DENND4B: variants seen among roughly 807,000 people sequenced by gnomAD.
DENND4B encodes the protein DENN domain containing 4B, also known as DENN domain-containing protein 4B.
Under a neutral mutation model 161.0 loss-of-function variants are expected in DENND4B, and 67 were observed. The ratio of observed to expected loss-of-function variants is 0.42; its 90% CI spans 0.34 to 0.51. DENND4B has a LOEUF of 0.51. Among genes scored for constraint, DENND4B ranks in the 20% least tolerant of loss-of-function variants. The probability of loss-of-function intolerance (pLI) is 0.08; values close to 1 mark genes in which losing one functional copy is unlikely to be tolerated. For missense variants in DENND4B, 1,481 were observed against 1,968.0 expected, an observed-to-expected ratio of 0.75 and a Z score of 4.68; for synonymous variants, 753 against 813.8, an observed-to-expected ratio of 0.93 and a Z score of 1.27.
rs1360376405 is a variant in DENND4B, at chr1:153,942,397, G to A, written c.641-41C>T. On this transcript the variant is annotated intron_variant, in intron 4 of 27. Coordinates refer to ENST00000361217, the MANE Select transcript of DENND4B (RefSeq NM_014856.3). The surrounding 1 kb of genome is among the most constrained non-coding windows in gnomAD (Gnocchi z 6.9). ...AGTTGGGGGTACCCAAAAGGAGCAG[G>A]GTCCATCAGACTCCAAGGGAAATGA... is the stretch of plus-strand genomic sequence containing the variant. The A allele has an allele frequency of 1.9e-6, 3 of 1,599,302 alleles. No individual in the cohort carries two copies. The highest frequency in any genetic ancestry group is 2.2e-5 in the East Asian group (1 of 44,472).
intron 6 of DENND4B, 32 bp downstream of exon 6, chr1:153,941,837 C>A (rs1679688600): frequency 3.7e-6 from 6 of 1,609,068 alleles, no homozygotes; most frequent in Non-Finnish European, 5.1e-6. Flanking sequence ...CCCTTCCTAA[C>A]CCCTTCCCAA....
chr1:153,941,774 A>AGGGC, intron 6 of DENND4B, 95 bp downstream of exon 6: 2 of 618,130 alleles, frequency 3.2e-6, no homozygotes, highest in Non-Finnish European at 5.6e-6. Flanking sequence ...CCCTGTGCCC[A>AGGGC]GCCCTCCCCC....
In DENND4B at chr1:153,933,526, C is replaced by T. The variant is rs775433322; in HGVS notation, c.3287G>A (p.Ser1096Asn). 3 of 1,551,840 alleles carry T rather than the reference C, an allele frequency of 1.9e-6. No individual in the cohort carries two copies. The highest frequency in any genetic ancestry group is 1.7e-6 in the Non-Finnish European group (2 of 1,149,770). The change falls in exon 20 of 28, where the codon AGT becomes AAT. Residue 1096 changes from serine to asparagine, a missense_variant. Transcript: ENST00000361217. The surrounding 1 kb of genome is among the most constrained non-coding windows in gnomAD (Gnocchi z 5.7). Reference sequence around the variant, plus strand: ...AGGGCGCTCCCGGGGGTGCAGAAGACTGTCCATGGGGCTGCGGCGGGCTGG... The same window carrying T: ...AGGGCGCTCCCGGGGGTGCAGAAGATTGTCCATGGGGCTGCGGCGGGCTGG... Reference protein sequence around the residue: ...PPPARRSPMDSLLHPRERPGS... With the variant: ...PPPARRSPMDNLLHPRERPGS...
At position 153,944,463 on chromosome 1, in the gene DENND4B, C is replaced by T; in HGVS notation, c.-23-66G>A. 1 of 1,427,282 alleles carries T rather than the reference C, an allele frequency of 7.0e-7. No individual in the cohort carries two copies. 88.4% of individuals were successfully genotyped at this position (1,427,282 alleles called of 1,614,324 possible). A position where few individuals can be genotyped will look rare whatever the true frequency, so the allele number is the denominator to read the frequency against. On this transcript the variant is annotated intron_variant, in intron 1 of 27. Coordinates refer to ENST00000361217, the MANE Select transcript of DENND4B (RefSeq NM_014856.3). This position sits in a 1 kb window ranked among gnomAD's most constrained non-coding sequence, Gnocchi z 4.8. ...TGGGGATGCCATGGCAACCAGGGTA[C>T]CCTCTTGCTCCCCTCCTCTTCCTAG...
chr1:153,945,459 G>A (rs1177441287), intron 1 of DENND4B, among the ~76,000 whole-genome samples: 1 of 152,098 alleles, frequency 6.6e-6, no homozygotes, highest in Non-Finnish European at 1.5e-5. Flanking sequence ...GTTCCAGGAT[G>A]TGCAGTCCTG....
In DENND4B at chr1:153,932,381, A is replaced by C. The variant is rs775050835; in HGVS notation, c.3819T>G (p.Arg1273=). 6.2e-7 allele frequency: 1 copy of C among 1,613,730 alleles called. No individual in the cohort carries two copies. The highest frequency in any genetic ancestry group is 1.1e-5 in the South Asian group (1 of 91,006). Residue 1273 remains arginine, a synonymous_variant, in exon 24 of 28, where the codon CGT becomes CGG. Transcript: ENST00000361217. The surrounding 1 kb of genome is among the most constrained non-coding windows in gnomAD (Gnocchi z 5.8). ...AWAYLSPLVL[R]KELESLVENE... ...TCTCTACCAGCGACTCCAGCTCCTT[A>C]CGCAGCACCAGGGGGCTCAGGTATG... is the stretch of plus-strand genomic sequence containing the variant.
Position 153,941,010 on chromosome 1 carries a change from G to A in DENND4B, c.1220C>T (p.Pro407Leu), listed in dbSNP as rs1296457763. The A allele has an allele frequency of 6.4e-7, 1 of 1,572,738 alleles. No individual in the cohort carries two copies. The highest frequency in any genetic ancestry group is 8.6e-7 in the Non-Finnish European group (1 of 1,161,306). Residue 407 changes from proline (P) to leucine (L), a missense_variant, in exon 9 of 28, where the codon CCT (proline) becomes CTT (leucine). Physicochemically the swap from Pro to Leu is moderately conservative, Grantham distance 98. Coordinates refer to ENST00000361217, the MANE Select transcript of DENND4B (RefSeq NM_014856.3). ...CAGCAGCAGTGTGATAGCCAGCTCA[G>A]GGCCCAGGCTCTGCAGCAGCTGCAG... ...SFLQLLQSLG[P>L]ELAITLLLAV...
rs374922900 is a variant in DENND4B, at chr1:153,940,910, G to C, written c.1320C>G (p.Leu440=). ...PDLLTSVCEA[L]VSMIFPLHWQ... is the part of the protein sequence containing the mutation. The stretch of plus-strand genomic sequence containing the variant: ...CAGGCGGGGCGGCACTCACCGAGAC[G>C]AGGGCCTCACAGACGCTGGTGAGCA... The change falls in exon 9 of 28, where the codon CTC becomes CTG. Residue 440 remains leucine, a synonymous_variant. Coordinates refer to ENST00000361217, the MANE Select transcript of DENND4B (RefSeq NM_014856.3). This position sits in a 1 kb window ranked among gnomAD's most constrained non-coding sequence, Gnocchi z 5.6. 1.9e-6 allele frequency: 3 copies of C among 1,572,094 alleles called. No homozygotes were observed. The African/African-American group carries it at 4.1e-5, about 22-fold the overall frequency.
At chr1:153,943,759 T>C (rs1224238397) in intron 2 of DENND4B, among the ~76,000 whole-genome samples, 1 of 151,738 alleles carries the variant, frequency 6.6e-6, no homozygotes, top group Non-Finnish European at 1.5e-5. Flanking sequence ...GGTTATCTCA[T>C]TTAATCTCGA....
chr1:153,935,107 G>A, intron 17 of DENND4B, 143 bp from the exon 18 acceptor site: 1 of 1,446,530 alleles, frequency 6.9e-7, no homozygotes, highest in South Asian at 1.4e-5. Flanking sequence ...GCTCAGCCAG[G>A]AACAAGAGCC....
intron 24 of DENND4B, 69 bp from the exon 25 acceptor site, chr1:153,931,133 G>C (rs1678899599): frequency 7.8e-7 from 1 of 1,276,046 alleles, no homozygotes; most frequent in Non-Finnish European, 1.1e-6. Flanking sequence ...GAAACGGACA[G>C]GTGATGCCAA....
In DENND4B at chr1:153,933,514, G is replaced by A; in HGVS notation, c.3299C>T (p.Pro1100Leu). Reference protein sequence around the residue: ...RRSPMDSLLHPRERPGSTASE... With the variant: ...RRSPMDSLLHLRERPGSTASE... Reference sequence around the variant, plus strand: ...GGCAGTGGATCCAGGGCGCTCCCGGGGGTGCAGAAGACTGTCCATGGGGCT... The same window carrying A: ...GGCAGTGGATCCAGGGCGCTCCCGGAGGTGCAGAAGACTGTCCATGGGGCT... The change falls in exon 20 of 28, where the codon CCC becomes CTC. Residue 1100 changes from proline to leucine, a missense_variant. Coordinates refer to ENST00000361217, the MANE Select transcript of DENND4B (RefSeq NM_014856.3). The surrounding 1 kb of genome is among the most constrained non-coding windows in gnomAD (Gnocchi z 5.7). 6.4e-7 allele frequency: 1 copy of A among 1,551,274 alleles called. No homozygotes were observed. Among genetic ancestry groups the A allele is most frequent in the Non-Finnish European group, 8.7e-7 (1 of 1,149,300 alleles).
chr1:153,932,225 A>G lies in DENND4B; in HGVS notation c.3975T>C (p.Cys1325=). Residue 1325 remains cysteine (C), a synonymous_variant, in exon 24 of 28, where the codon TGT becomes TGC. Transcript: ENST00000361217. The surrounding 1 kb of genome is among the most constrained non-coding windows in gnomAD (Gnocchi z 5.8). ...TGACCTGGGAGTGCGAAGGCCCATC[A>G]CAGGAGGCCAGCACCAGGCCTGGTA... is the stretch of plus-strand genomic sequence containing the variant. ...SILPGLVLAS[C]DGPSHSQAPS... The G allele has an allele frequency of 6.2e-7, 1 of 1,613,912 alleles. No individual in the cohort carries two copies. The highest frequency in any genetic ancestry group is 8.5e-7 in the Non-Finnish European group (1 of 1,179,848).
Position 153,941,447 on chromosome 1 carries a change from GAC to G in DENND4B, c.1056-9_1056-8del. On this transcript the variant is annotated splice_region_variant and splice_polypyrimidine_tract_variant and intron_variant, in intron 6 of 27. Coordinates refer to ENST00000361217, the MANE Select transcript of DENND4B (RefSeq NM_014856.3). ...AATGAAGTGGGAGATGTGCCTGGGG[GAC>G]AGAGAAACAGGTCAGAGCATACTCC... is the stretch of plus-strand genomic sequence containing the variant. 1 of 1,610,308 alleles carries G rather than the reference GAC, an allele frequency of 6.2e-7. No homozygotes were observed. Among genetic ancestry groups the G allele is most frequent in the Non-Finnish European group, 8.5e-7 (1 of 1,178,808 alleles).
In DENND4B at chr1:153,936,396, C is replaced by T. The variant is rs988593739; in HGVS notation, c.2439+146G>A. On this transcript the variant is annotated intron_variant, in intron 16 of 27. Coordinates refer to ENST00000361217, the MANE Select transcript of DENND4B (RefSeq NM_014856.3). This position sits in a 1 kb window ranked among gnomAD's most constrained non-coding sequence, Gnocchi z 4.1. ...TAAACCCTGAACATGCTTATTCACT[C>T]GACGAATGTTTATAGATAATCTGCC... is the stretch of plus-strand genomic sequence containing the variant. 6.7e-5 allele frequency: 76 copies of T among 1,140,170 alleles called. No individual in the cohort carries two copies. The East Asian group carries it at 1.8e-3, about 27-fold the overall frequency. 70.6% of individuals were successfully genotyped at this position (1,140,170 alleles called of 1,614,324 possible). A position where few individuals can be genotyped will look rare whatever the true frequency, so the allele number is the denominator to read the frequency against.
In DENND4B at chr1:153,930,995, G is replaced by A; in HGVS notation, c.4066C>T (p.Pro1356Ser). The A allele has an allele frequency of 6.2e-7, 1 of 1,613,394 alleles. No individual in the cohort carries two copies. Among genetic ancestry groups the A allele is most frequent in the Non-Finnish European group, 8.5e-7 (1 of 1,179,718 alleles). The change falls in exon 25 of 28, where the codon CCT (proline) becomes TCT (serine). Residue 1356 changes from proline to serine, a missense_variant. By Grantham distance (74) the Pro-to-Ser change is moderately conservative. Transcript: ENST00000361217. This position sits in a 1 kb window ranked among gnomAD's most constrained non-coding sequence, Gnocchi z 4.7. ...QVRLLWDVLT[P>S]DPNSCPPLYV... The stretch of plus-strand genomic sequence containing the variant: ...AGAGGTGGGCAGCTATTGGGGTCAG[G>A]GGTCAGTACATCCCACAGCAGCCGT...
In DENND4B at chr1:153,943,028, G is replaced by C; in HGVS notation, c.420C>G (p.His140Gln). The C allele has an allele frequency of 6.2e-7, 1 of 1,614,048 alleles. No individual in the cohort carries two copies. The highest frequency in any genetic ancestry group is 1.1e-5 in the South Asian group (1 of 91,092). ...SANLAPPGPG[H>Q]PRTYLTYRRA... ...GCCGGTAAGTGAGGTAGGTGCGGGG[G>C]TGCCCGGGGCCTGGAGGGGCCAGGT... Residue 140 changes from histidine (H) to glutamine (Q), a missense_variant, in exon 3 of 28, where the codon CAC (histidine) becomes CAG (glutamine). By Grantham distance (24) the His-to-Gln change is conservative (BLOSUM62 0). Coordinates refer to ENST00000361217, the MANE Select transcript of DENND4B (RefSeq NM_014856.3).
chr1:153,934,997 C>CCT lies in DENND4B; in HGVS notation c.2569-35_2569-34dup. On this transcript the variant is annotated intron_variant, in intron 17 of 27. Transcript: ENST00000361217. The surrounding 1 kb of genome is among the most constrained non-coding windows in gnomAD (Gnocchi z 5.3). The stretch of plus-strand genomic sequence containing the variant: ...GCACAGTGCCCATCAGGATGGCCTA[C>CCT]CTCGACACCCTAACCCTGCCTCATA... 3.7e-6 allele frequency: 6 copies of CCT among 1,602,356 alleles called. No homozygotes were observed. Among genetic ancestry groups the CCT allele is most frequent in the Non-Finnish European group, 5.1e-6 (6 of 1,178,076 alleles).
In DENND4B at chr1:153,932,330, C is replaced by A; in HGVS notation, c.3870G>T (p.Leu1290Phe). Reference sequence around the variant, plus strand: ...TGGGGTGGGCAGAGGGCAGTTCAGGCAACGCCAGCACCTCACTGCCCTCGT... The same window carrying A: ...TGGGGTGGGCAGAGGGCAGTTCAGGAAACGCCAGCACCTCACTGCCCTCGT... ...VENEGSEVLA[L>F]PELPSAHPII... Residue 1290 changes from leucine (L) to phenylalanine (F), a missense_variant, in exon 24 of 28, where the codon TTG (leucine) becomes TTT (phenylalanine). Physicochemically the swap from Leu to Phe is conservative, Grantham distance 22. Coordinates refer to ENST00000361217, the MANE Select transcript of DENND4B (RefSeq NM_014856.3). This position sits in a 1 kb window ranked among gnomAD's most constrained non-coding sequence, Gnocchi z 5.8. 1.2e-6 allele frequency: 2 copies of A among 1,613,946 alleles called. No homozygotes were observed. Among genetic ancestry groups the A allele is most frequent in the Non-Finnish European group, 1.7e-6 (2 of 1,179,848 alleles).
Sources: allele counts gnomAD v4.1 joint callset (sites outside exome capture counted in the v4.1 genomes callset), GRCh38; gene constraint gnomAD v4.1.1; non-coding constraint Gnocchi (gnomAD v3.1); transcripts MANE v1.5; gene names NCBI Gene and HGNC (gene_info 2026-07-23, HGNC 2026-07-21).